Variants in TAMM41 observed in about 807,000 individuals in gnomAD.
The protein encoded by TAMM41 is TAM41 mitochondrial translocator assembly and maintenance homolog, also known as phosphatidate cytidylyltransferase, mitochondrial.
TAMM41 carries 36 observed loss-of-function variants against 44.1 expected under a neutral mutation model. The ratio of observed to expected loss-of-function variants is 0.82; its 90% CI spans 0.63 to 1.08. The LOEUF (loss-of-function observed/expected upper bound fraction) is 1.08, where lower values mean the gene tolerates loss of function less well. Among genes scored for constraint, TAMM41 ranks in the 50% least tolerant of loss-of-function variants. The probability of loss-of-function intolerance (pLI) is 0.00; values close to 1 mark genes in which losing one functional copy is unlikely to be tolerated. For missense variants in TAMM41, 417 were observed against 404.3 expected (o/e 1.03, Z -0.27); for synonymous variants, 164 against 153.1 (o/e 1.07, Z -0.53).
At chr3:11,766,497 C>A in the TAMM41 span, among the ~76,000 whole-genome samples, 1 of 151,970 alleles carries the variant, frequency 6.6e-6, no homozygotes, top group Non-Finnish European at 1.5e-5. Flanking sequence ...AGGAGAAGTA[C>A]AGAAAAGAGG....
the TAMM41 span, among the ~76,000 whole-genome samples, chr3:11,773,115 T>C: frequency 6.6e-6 from 1 of 151,876 alleles, no homozygotes; most frequent in African/African-American, 2.4e-5. Context: ...CACCACCATG[T>C]CCAGCTAATT....
chr3:11,751,041 A>G, the TAMM41 span, among the ~76,000 whole-genome samples: 1 of 151,152 alleles, frequency 6.6e-6, no homozygotes, highest in African/African-American at 2.4e-5. Flanking sequence ...TCATCCCACA[A>G]TGCCCGGAGG....
the TAMM41 span, among the ~76,000 whole-genome samples, chr3:11,736,653 A>G: frequency 0.026 from 4,007 of 152,238 alleles, 175 homozygotes; most frequent in African/African-American, 0.092. Flanking sequence ...TGCTTCAGCA[A>G]TTACCACAAA....
chr3:11,776,456 T>G, the TAMM41 span, among the ~76,000 whole-genome samples: 2 of 152,158 alleles, frequency 1.3e-5, no homozygotes, highest in Non-Finnish European at 2.9e-5. Context: ...CCTGACTTAC[T>G]GTACCTTTGC....
chr3:11,751,577 A>G, the TAMM41 span, among the ~76,000 whole-genome samples: 3 of 152,178 alleles, frequency 2.0e-5, no homozygotes, highest in African/African-American at 7.2e-5. Context: ...AATCTCTCTG[A>G]GGACAACCAG....
the TAMM41 span, among the ~76,000 whole-genome samples, chr3:11,768,188 G>T: frequency 6.6e-6 from 1 of 151,636 alleles, no homozygotes; most frequent in African/African-American, 2.4e-5. Context: ...CCTGGCTGGA[G>T]TGTAGTGGCG....
At chr3:11,768,986 C>T in the TAMM41 span, among the ~76,000 whole-genome samples, 916 of 152,292 alleles carry the variant, frequency 6.0e-3, 13 homozygotes, top group African/African-American at 0.021. Context: ...CCATCAGGCA[C>T]GGCCTGGTCA....
chr3:11,762,467 A>G, the TAMM41 span, among the ~76,000 whole-genome samples: 87 of 152,204 alleles, frequency 5.7e-4, no homozygotes, highest in African/African-American at 1.9e-3. Flanking sequence ...GATGAATACA[A>G]CCATTTACAT....
chr3:11,724,460 G>A, the TAMM41 span, among the ~76,000 whole-genome samples: 63 of 150,692 alleles, frequency 4.2e-4, no homozygotes, highest in African/African-American at 1.5e-3. Context: ...CTCTCACCCA[G>A]GCTGGAGTGC....
chr3:11,750,527 C>A, the TAMM41 span, among the ~76,000 whole-genome samples: 1 of 151,920 alleles, frequency 6.6e-6, no homozygotes, highest in Non-Finnish European at 1.5e-5. Flanking sequence ...CCAGGATGGT[C>A]TTGAACTCCT....
intron 2 of TAMM41, among the ~76,000 whole-genome samples, chr3:11,842,537 TACA>T (rs1575730127): frequency 6.6e-6 from 1 of 150,448 alleles, no homozygotes; most frequent in Middle Eastern, 3.4e-3. Flanking sequence ...CTACAAAAAA[TACA>T]ACAATTAGCC....
downstream of TAMM41, among the ~76,000 whole-genome samples, chr3:11,787,197 G>T (rs1207424030): frequency 1.3e-5 from 2 of 152,184 alleles, no homozygotes; most frequent in African/African-American, 2.4e-5. Context: ...TTAGGACCTA[G>T]CCTTGGAAGT....
chr3:11,777,186 T>C, the TAMM41 span, among the ~76,000 whole-genome samples: 81 of 152,330 alleles, frequency 5.3e-4, no homozygotes, highest in African/African-American at 1.8e-3. Flanking sequence ...TTAACTTGAT[T>C]GTGGTGATCT....
At chr3:11,731,552 C>A in the TAMM41 span, among the ~76,000 whole-genome samples, 1 of 151,968 alleles carries the variant, frequency 6.6e-6, no homozygotes, top group Non-Finnish European at 1.5e-5. Flanking sequence ...TACTTTAGAC[C>A]AAAAAGAAAC....
chr3:11,729,309 T>C, the TAMM41 span, among the ~76,000 whole-genome samples: 1 of 152,042 alleles, frequency 6.6e-6, no homozygotes, highest in Admixed American at 6.6e-5. Flanking sequence ...TAAAAGCCTT[T>C]TTCAACACAC....
At chr3:11,803,288 G>C (rs577532328) in intron 7 of TAMM41, among the ~76,000 whole-genome samples, 2 of 152,148 alleles carry the variant, frequency 1.3e-5, no homozygotes, top group African/African-American at 4.8e-5. Context: ...GGAGGCTGAA[G>C]GGGGAGAATC....
chr3:11,743,533 A>G, the TAMM41 span, among the ~76,000 whole-genome samples: 1 of 152,004 alleles, frequency 6.6e-6, no homozygotes, highest in Non-Finnish European at 1.5e-5. Context: ...GGGTTTCACC[A>G]TGTTGGCCAG....
chr3:11,844,039 C>T lies in TAMM41; in HGVS notation c.308G>A (p.Cys103Tyr), dbSNP rs956559602. The stretch of plus-strand genomic sequence containing the variant: ...CCAGCAGTCACTTACCCTACCATTA[C>T]ACATGATCAATGAATTGTAGTAAAC... ...AGVYYNSLIM[C>Y]NGRLIKYGVI... is the part of the protein sequence containing the mutation. The change falls in exon 2 of 8, where the codon TGT (cysteine) becomes TAT (tyrosine). Residue 103 changes from cysteine to tyrosine, a missense_variant. Physicochemically the swap from Cys to Tyr is radical, Grantham distance 194. Transcript: ENST00000455809. 2.5e-6 allele frequency: 4 copies of T among 1,613,926 alleles called. No homozygotes were observed. Among genetic ancestry groups the T allele is most frequent in the South Asian group, 1.1e-5 (1 of 91,064 alleles).
intron 7 of TAMM41, among the ~76,000 whole-genome samples, chr3:11,796,381 C>T (rs140526645): frequency 2.6e-3 from 393 of 152,274 alleles, no homozygotes; most frequent in African/African-American, 9.1e-3. Context: ...GAATAACATA[C>T]CATAGTCATA....
Sources: gnomAD v4.1 joint callset for allele counts (sites outside exome capture counted in the v4.1 genomes callset) on GRCh38, gnomAD v4.1.1 for gene constraint, MANE v1.5 for transcripts, NCBI Gene and HGNC (gene_info 2026-07-23, HGNC 2026-07-21) for gene names.